PKNOX2: variants seen among roughly 807,000 people sequenced by gnomAD.
PKNOX2 encodes PBX/knotted 1 homeobox 2.
A neutral mutation model predicts 53.1 loss-of-function variants in PKNOX2; 14 were observed. That is an observed-to-expected ratio of 0.26 (90% CI 0.17 to 0.41). The LOEUF (loss-of-function observed/expected upper bound fraction) is 0.41, where lower values mean the gene tolerates loss of function less well. Among genes scored for constraint, PKNOX2 ranks in the 10% least tolerant of loss-of-function variants. The pLI is 1.00. For missense variants in PKNOX2, 496 were observed against 602.8 expected, an observed-to-expected ratio of 0.82 and a Z score of 1.85; for synonymous variants, 257 against 242.8, an observed-to-expected ratio of 1.06 and a Z score of -0.54.
chr11:125,418,798 C>G (rs1956021966), intron 10 of PKNOX2, among the ~76,000 whole-genome samples: 1 of 152,066 alleles, frequency 6.6e-6, no homozygotes, highest in Admixed American at 6.5e-5. Flanking sequence ...TGCATCTGTC[C>G]TGAACATGTA....
At chr11:125,273,879 A>G (rs10400381) in intron 2 of PKNOX2, among the ~76,000 whole-genome samples, 24,016 of 152,174 alleles carry the variant, frequency 0.16, 3,887 homozygotes, top group African/African-American at 0.4. Context: ...TGTGCTAACC[A>G]CCTTTGGAAG....
intron 4 of PKNOX2, among the ~76,000 whole-genome samples, chr11:125,354,188 T>C (rs1468263580): frequency 6.6e-6 from 1 of 152,178 alleles, no homozygotes; most frequent in Non-Finnish European, 1.5e-5. Flanking sequence ...GGGAGACTGC[T>C]GCATTTCCCT....
intron 10 of PKNOX2, among the ~76,000 whole-genome samples, chr11:125,413,496 A>G (rs958165658): frequency 6.6e-6 from 1 of 152,178 alleles, no homozygotes; most frequent in African/African-American, 2.4e-5. Context: ...GACCTGGCAC[A>G]ACCAAAATGA....
intron 2 of PKNOX2, among the ~76,000 whole-genome samples, chr11:125,281,973 T>C (rs944067263): frequency 7.2e-5 from 11 of 152,092 alleles, no homozygotes; most frequent in African/African-American, 2.7e-4. Flanking sequence ...GACATTCGAG[T>C]TACTCAAATC....
chr11:125,320,160 C>T (rs1334201801), intron 2 of PKNOX2, among the ~76,000 whole-genome samples: 1 of 152,174 alleles, frequency 6.6e-6, no homozygotes, highest in African/African-American at 2.4e-5. Flanking sequence ...ATAGAATGTT[C>T]CGGTGCTTTA....
intron 5 of PKNOX2, among the ~76,000 whole-genome samples, chr11:125,373,764 C>A (rs1295419159): frequency 1.3e-5 from 2 of 152,164 alleles, no homozygotes; most frequent in African/African-American, 4.8e-5. Flanking sequence ...GGAAAGGGGT[C>A]CTGTGCAGGG....
rs979080364 is a variant in PKNOX2 at position 125,370,376 on chromosome 11, G to A, written c.227+2391G>A. ...CAACCTGCAGGAGAGGTGGGTCACT[G>A]CCCCCATGGGAGCCACCACATGGAT... On this transcript the variant is annotated intron_variant, in intron 5 of 12. Transcript: ENST00000298282. The surrounding 1 kb of genome is among the most constrained non-coding windows in gnomAD (Gnocchi z 4.1). 3.3e-5 allele frequency among the ~76,000 whole-genome samples: 5 copies of A among 152,164 alleles called. No individual in the cohort carries two copies. Among genetic ancestry groups the A allele is most frequent in the African/African-American group, 4.8e-5 (2 of 41,446 alleles).
chr11:125,266,378 T>C (rs2135763972), intron 2 of PKNOX2, among the ~76,000 whole-genome samples: 1 of 152,260 alleles, frequency 6.6e-6, no homozygotes, highest in East Asian at 1.9e-4. Context: ...CACTGACTTT[T>C]GGGGGCATTT....
At chr11:125,380,579 A>T (rs142604681) in intron 5 of PKNOX2, among the ~76,000 whole-genome samples, 1 of 152,318 alleles carries the variant, frequency 6.6e-6, no homozygotes, top group Non-Finnish European at 1.5e-5. Flanking sequence ...CCAAGTGTCC[A>T]CATCTCTGCT....
chr11:125,183,462 C>A (rs1359119584), intron 1 of PKNOX2, among the ~76,000 whole-genome samples: 2 of 54,312 alleles, frequency 3.7e-5, no homozygotes, highest in African/African-American at 1.3e-4. Flanking sequence ...ATGATCCACC[C>A]GCCTCGGCCT....
chr11:125,413,524 A>G (rs1955688489), intron 10 of PKNOX2, among the ~76,000 whole-genome samples: 1 of 152,206 alleles, frequency 6.6e-6, no homozygotes, highest in Non-Finnish European at 1.5e-5. Flanking sequence ...ACCCGCTCCC[A>G]ACTGCTCGTG....
At chr11:125,290,653 C>T (rs547539921) in intron 2 of PKNOX2, among the ~76,000 whole-genome samples, 41 of 152,328 alleles carry the variant, frequency 2.7e-4, no homozygotes, top group African/African-American at 7.9e-4. Flanking sequence ...TCTTTAGTCT[C>T]AGTCATACAT....
Position 125,395,711 on chromosome 11 carries a change from A to G in PKNOX2, c.400-2163A>G, listed in dbSNP as rs151324070. Among the ~76,000 whole-genome samples, 499 of 152,264 alleles carry G rather than the reference A, an allele frequency of 3.3e-3. 7 individuals carry two copies. Among genetic ancestry groups the G allele is most frequent in the African/African-American group, 0.011 (455 of 41,560 alleles). On this transcript the variant is annotated intron_variant, in intron 6 of 12. Coordinates refer to ENST00000298282, the MANE Select transcript of PKNOX2 (RefSeq NM_001382323.2). ...ATATCTTCTCTTGTGCTTATTTGCC[A>G]TCTGTATATCCTCTTCAGTGAAATG...
intron 3 of PKNOX2, among the ~76,000 whole-genome samples, chr11:125,343,658 G>C (rs774510460): frequency 2.6e-5 from 4 of 152,186 alleles, no homozygotes; most frequent in Non-Finnish European, 1.5e-5. Flanking sequence ...TTAAATTGCT[G>C]TTTCAGTTTG....
intron 1 of PKNOX2, among the ~76,000 whole-genome samples, chr11:125,174,040 T>C (rs1955520785): frequency 6.6e-6 from 1 of 152,194 alleles, no homozygotes; most frequent in African/African-American, 2.4e-5. Context: ...GAATGGATGC[T>C]CCTCTGTACC....
intron 1 of PKNOX2, among the ~76,000 whole-genome samples, chr11:125,176,448 G>A (rs1277388761): frequency 2.0e-5 from 3 of 152,206 alleles, no homozygotes; most frequent in South Asian, 2.1e-4. Context: ...TTCAAGTTCC[G>A]TGGGTAATTA....
chr11:125,301,738 C>A (rs1333262006), intron 2 of PKNOX2, among the ~76,000 whole-genome samples: 2 of 152,006 alleles, frequency 1.3e-5, no homozygotes, highest in Admixed American at 1.3e-4. Flanking sequence ...AGCTTGGGCA[C>A]AAGGCAGGTG....
At chr11:125,208,188 A>C (rs1465231724) in intron 1 of PKNOX2, among the ~76,000 whole-genome samples, 1 of 152,092 alleles carries the variant, frequency 6.6e-6, no homozygotes, top group Non-Finnish European at 1.5e-5. Context: ...TCAGTGGAAA[A>C]CAGGCATTCC....
chr11:125,285,839 C>A (rs1257784396), intron 2 of PKNOX2, among the ~76,000 whole-genome samples: 1 of 152,208 alleles, frequency 6.6e-6, no homozygotes, highest in Non-Finnish European at 1.5e-5. Context: ...GCTTCCTAAG[C>A]ACTTCACTAC....
Sources: gnomAD v4.1 joint callset for allele counts (sites outside exome capture counted in the v4.1 genomes callset) on GRCh38, gnomAD v4.1.1 for gene constraint, Gnocchi (gnomAD v3.1) non-coding constraint, MANE v1.5 for transcripts, NCBI Gene and HGNC (gene_info 2026-07-23, HGNC 2026-07-21) for gene names.